The following RPH3AL variants were observed in gnomAD, a reference collection of about 807,000 sequenced individuals.
RPH3AL encodes the protein rab effector Noc2.
In RPH3AL, 38 loss-of-function variants were observed where a neutral mutation model predicts 43.1. That is an observed-to-expected ratio of 0.88 (90% CI 0.68 to 1.15). RPH3AL has a LOEUF of 1.15. Ranked by LOEUF, RPH3AL falls within the 50% of genes most tolerant of loss-of-function variation. RPH3AL has a pLI of 0.00. For synonymous variants in RPH3AL, 189 were observed against 176.3 expected (o/e 1.07, Z -0.57); for missense variants, 462 against 423.2 (o/e 1.09, Z -0.81).
Position 245,612 on chromosome 17 carries a change from G to A in RPH3AL, c.613+1499C>T, listed in dbSNP as rs185132194. Among the ~76,000 whole-genome samples, 18 of 152,212 alleles carry A rather than the reference G, an allele frequency of 1.2e-4. 1 individual carries two copies. In the East Asian group the frequency reaches 3.3e-3, roughly 28 times the overall value. ...CTCCAAGCAGCATTTTAAACCCACA[G>A]GTGTCCACCAGCTTCTGCTCCCACT... On this transcript the variant is annotated intron_variant, in intron 7 of 9. Coordinates refer to ENST00000331302, the MANE Select transcript of RPH3AL (RefSeq NM_006987.4). The surrounding 1 kb of genome is among the most constrained non-coding windows in gnomAD (Gnocchi z 5.9).
chr17:253,751 C>A, intron 6 of RPH3AL, among the ~76,000 whole-genome samples: 1 of 137,316 alleles, frequency 7.3e-6, no homozygotes, highest in African/African-American at 2.7e-5. Context: ...ACGTGACTAC[C>A]CTACGTACTT....
At chr17:233,652 GC>G (rs2041282762) in intron 7 of RPH3AL, among the ~76,000 whole-genome samples, 1 of 152,196 alleles carries the variant, frequency 6.6e-6, no homozygotes, top group Non-Finnish European at 1.5e-5. Flanking sequence ...AGAGAAGCAT[GC>G]CCATTTTTCT....
intron 6 of RPH3AL, among the ~76,000 whole-genome samples, chr17:280,065 C>T (rs967832194): frequency 1.3e-5 from 2 of 152,318 alleles, no homozygotes; most frequent in East Asian, 1.9e-4. Context: ...AATACTTTCA[C>T]AACAACAGCA....
At chr17:332,383 A>C (rs1315881363) in intron 2 of RPH3AL, 1 of 176,732 alleles carries the variant, frequency 5.7e-6, no homozygotes, top group Non-Finnish European at 1.2e-5. Context: ...GTGGGCATCC[A>C]CCCAGGAGCC....
chr17:240,749 G>A (rs2151529042), intron 7 of RPH3AL, among the ~76,000 whole-genome samples: 1 of 152,222 alleles, frequency 6.6e-6, no homozygotes, highest in South Asian at 2.1e-4. Context: ...GAACAATTGT[G>A]TCCTTATGAA....
At position 297,105 on chromosome 17, in the gene RPH3AL, C is replaced by T. The variant is rs111633968; in HGVS notation, c.352-15251G>A. Among the ~76,000 whole-genome samples, 109 of 152,310 alleles carry T rather than the reference C, an allele frequency of 7.2e-4. 1 individual carries two copies. Among genetic ancestry groups the T allele is most frequent in the African/African-American group, 2.5e-3 (104 of 41,570 alleles). On this transcript the variant is annotated intron_variant, in intron 5 of 9. Transcript: ENST00000331302. ...CTCCAAGCCAACATGATGAAGACTCCACAAAAACCCAAGACGTCGGGGCTT... is the reference window on the plus strand; with the variant it reads ...CTCCAAGCCAACATGATGAAGACTCTACAAAAACCCAAGACGTCGGGGCTT...
chr17:316,574 C>T (rs1342103215), intron 5 of RPH3AL, among the ~76,000 whole-genome samples: 3 of 97,242 alleles, frequency 3.1e-5, no homozygotes, highest in African/African-American at 1.1e-4. Context: ...CTGTGCCCCA[C>T]CTCCATTGAC....
At chr17:266,134 C>T (rs782686835) in intron 6 of RPH3AL, among the ~76,000 whole-genome samples, 9 of 152,072 alleles carry the variant, frequency 5.9e-5, no homozygotes, top group Non-Finnish European at 1.0e-4. Context: ...GAGCTCAAAG[C>T]GAAGTGAGAC....
chr17:253,585 C>A (rs370991136), intron 6 of RPH3AL, among the ~76,000 whole-genome samples: 1 of 152,118 alleles, frequency 6.6e-6, no homozygotes, highest in Non-Finnish European at 1.5e-5. Context: ...ATCTCCAGAA[C>A]TTGCCAAACT....
chr17:219,347 C>T lies in RPH3AL; in HGVS notation c.727+276G>A, dbSNP rs573589429. ...CCAAGTAGCTGGGATTACAGGCACC[C>T]GCCACCACACCCAGCTAATTTTCAT... On this transcript the variant is annotated intron_variant, in intron 8 of 9. Coordinates refer to ENST00000331302, the MANE Select transcript of RPH3AL (RefSeq NM_006987.4). Among the ~76,000 whole-genome samples, 11 of 150,852 alleles carry T rather than the reference C, an allele frequency of 7.3e-5. No homozygotes were observed. The South Asian group carries it at 2.1e-3, about 29-fold the overall frequency.
At chr17:337,113 G>A (rs1015017053) in intron 1 of RPH3AL, among the ~76,000 whole-genome samples, 1 of 95,610 alleles carries the variant, frequency 1.0e-5, no homozygotes, top group Non-Finnish European at 2.2e-5. Context: ...CATCGGTTAC[G>A]CACCAATAAT....
chr17:278,927 C>T (rs972839635), intron 6 of RPH3AL, among the ~76,000 whole-genome samples: 53 of 152,130 alleles, frequency 3.5e-4, no homozygotes, highest in African/African-American at 1.3e-3. Flanking sequence ...CAGCACTCAA[C>T]TCGCTCCAGA....
intron 1 of RPH3AL, among the ~76,000 whole-genome samples, chr17:337,802 T>C (rs893425930): frequency 3.3e-5 from 5 of 152,160 alleles, no homozygotes; most frequent in Admixed American, 2.0e-4. Context: ...GCAAGGCCCC[T>C]CATGGGGCAC....
intron 5 of RPH3AL, among the ~76,000 whole-genome samples, chr17:311,576 G>C (rs555451665): frequency 1.3e-5 from 2 of 152,332 alleles, no homozygotes; most frequent in South Asian, 4.1e-4. Context: ...TGAGGGAAGC[G>C]ATTATTCTGA....
At chr17:326,307 G>A (rs1455309135) in intron 3 of RPH3AL, among the ~76,000 whole-genome samples, 2 of 152,228 alleles carry the variant, frequency 1.3e-5, no homozygotes, top group Admixed American at 6.5e-5. Context: ...CCCCTTTGAT[G>A]TTTCAGCTCT....
chr17:219,656 C>A lies in RPH3AL; in HGVS notation c.694G>T (p.Asp232Tyr), dbSNP rs1172820509. The part of the protein sequence containing the change: ...EDRLPSTGVR[D>Y]RKGDKPWKES... ...TTCCAGGGTTTGTCGCCTTTCCGGTCCCTGACCCCAGTGGATGGGAGTCTG... is the reference window on the plus strand; with the variant it reads ...TTCCAGGGTTTGTCGCCTTTCCGGTACCTGACCCCAGTGGATGGGAGTCTG... The change falls in exon 8 of 10, where the codon GAC (aspartate) becomes TAC (tyrosine). Residue 232 changes from aspartate (D) to tyrosine (Y), a missense_variant. Physicochemically the swap from Asp to Tyr is radical, Grantham distance 160. Transcript: ENST00000331302. 2 of 1,610,950 alleles carry A rather than the reference C, an allele frequency of 1.2e-6. No homozygotes were observed. Among genetic ancestry groups the A allele is most frequent in the South Asian group, 1.1e-5 (1 of 90,988 alleles).
intron 1 of RPH3AL, among the ~76,000 whole-genome samples, chr17:348,337 C>T (rs1408730561): frequency 6.6e-6 from 1 of 152,124 alleles, no homozygotes; most frequent in Admixed American, 6.5e-5. Flanking sequence ...TCCACACTAC[C>T]TACACCTCCA....
chr17:220,303 C>T (rs2040933298), intron 7 of RPH3AL, among the ~76,000 whole-genome samples: 1 of 151,592 alleles, frequency 6.6e-6, no homozygotes, highest in Admixed American at 6.6e-5. Flanking sequence ...CTCACTGAGA[C>T]AATAGGCCCA....
chr17:350,780 G>A (rs73286639), intron 1 of RPH3AL, among the ~76,000 whole-genome samples: 5,693 of 152,250 alleles, frequency 0.037, 281 homozygotes, highest in East Asian at 0.14. Flanking sequence ...CTGACCGCAG[G>A]CCCTGATGAT....
Sources: allele counts gnomAD v4.1 joint callset (sites outside exome capture counted in the v4.1 genomes callset), GRCh38; gene constraint gnomAD v4.1.1; non-coding constraint Gnocchi (gnomAD v3.1); transcripts MANE v1.5; gene names NCBI Gene and HGNC (gene_info 2026-07-23, HGNC 2026-07-21).